The following ZFP30 variants were observed in gnomAD, a reference collection of about 807,000 sequenced individuals.
ZFP30 encodes the protein zinc finger protein 30 homolog.
ZFP30 carries 16 observed loss-of-function variants against 12.3 expected under a neutral mutation model. That is an observed-to-expected ratio of 1.30 (90% CI 0.88 to 1.98). ZFP30 has a LOEUF of 1.98. Among genes scored for constraint, ZFP30 ranks in the 30% most tolerant of loss-of-function variants. The pLI is 0.00. For missense variants in ZFP30, 560 were observed against 611.2 expected, an observed-to-expected ratio of 0.92 and a Z score of 0.88; for synonymous variants, 172 against 201.0, an observed-to-expected ratio of 0.86 and a Z score of 1.22.
At chr19:37,639,215 TAA>T (rs1254375607) in intron 5 of ZFP30, among the ~76,000 whole-genome samples, 5 of 152,050 alleles carry the variant, frequency 3.3e-5, no homozygotes, top group East Asian at 1.9e-4. Context: ...AAATAAGATA[TAA>T]GTGATATTAA....
At chr19:37,636,388 CAAAAA>C (rs58180098) in intron 5 of ZFP30, 83 bp from the exon 6 acceptor site, 32 of 917,920 alleles carry the variant, frequency 3.5e-5, no homozygotes, top group South Asian at 8.7e-5. Context: ...AATCGGTGAC[CAAAAA>C]AAAAAAAAAA....
At chr19:37,643,010 G>A (rs1292886059) in intron 5 of ZFP30, among the ~76,000 whole-genome samples, 32 of 138,424 alleles carry the variant, frequency 2.3e-4, no homozygotes, top group African/African-American at 8.7e-4. Flanking sequence ...CAGAGATCGC[G>A]CCACTGCACT....
At position 37,636,317 on chromosome 19, in the gene ZFP30, C is replaced by T; in HGVS notation, c.236-12G>A. Reference sequence around the variant, plus strand: ...TCTGGATTCCAAATCTGAAAGAAAACAAGACCAAAACATATTTTCCTGTTC... The same window carrying T: ...TCTGGATTCCAAATCTGAAAGAAAATAAGACCAAAACATATTTTCCTGTTC... On this transcript the variant is annotated splice_polypyrimidine_tract_variant and intron_variant, in intron 5 of 5. Transcript: ENST00000684514. The T allele has an allele frequency of 6.6e-7, 1 of 1,518,546 alleles. No individual in the cohort carries two copies. Among genetic ancestry groups the T allele is most frequent in the Non-Finnish European group, 8.8e-7 (1 of 1,137,164 alleles). The allele number at this position is 1,518,546 out of a possible 1,614,324, so 94.1% of individuals were successfully genotyped here.
At chr19:37,649,085 A>T (rs2972455) in intron 2 of ZFP30, among the ~76,000 whole-genome samples, 146,228 of 151,368 alleles carry the variant, frequency 0.97, 70,852 homozygotes, top group Middle Eastern at 1. Flanking sequence ...CAACAAAAAA[A>T]TTTTTTTAAA....
chr19:37,648,573 C>A (rs891262524), intron 2 of ZFP30, among the ~76,000 whole-genome samples: 13 of 152,202 alleles, frequency 8.5e-5, no homozygotes, highest in African/African-American at 2.9e-4. Flanking sequence ...ACCCAGAGGG[C>A]TTCTTAAAAC....
At chr19:37,640,946 C>T (rs953198191) in intron 5 of ZFP30, among the ~76,000 whole-genome samples, 18 of 151,864 alleles carry the variant, frequency 1.2e-4, no homozygotes, top group Admixed American at 1.2e-3. Context: ...ATGTTAAAAC[C>T]CTATGACCAC....
At chr19:37,644,579 A>C in intron 4 of ZFP30, 31 bp downstream of exon 4, 1 of 1,539,428 alleles carries the variant, frequency 6.5e-7, no homozygotes, top group Admixed American at 2.2e-5. Context: ...GTGAATGTCT[A>C]AATTATCTGA....
intron 2 of ZFP30, among the ~76,000 whole-genome samples, chr19:37,653,057 C>T (rs2044684072): frequency 6.9e-6 from 1 of 145,706 alleles, no homozygotes; most frequent in South Asian, 2.1e-4. Context: ...GCAGCGGTTG[C>T]AGTGAACTGA....
chr19:37,635,547 C>T lies in ZFP30; in HGVS notation c.994G>A (p.Gly332Arg). Residue 332 changes from glycine (G) to arginine (R), a missense_variant, in exon 6 of 6, where the codon GGA becomes AGA. By Grantham distance (125) the Gly-to-Arg change is moderately radical (BLOSUM62 -2). Coordinates refer to ENST00000684514, the MANE Select transcript of ZFP30 (RefSeq NM_001320669.3). ...TGCTGCCGCACTCTAAAGGCCTTTCCACACTCCTTACATTCATAGGGTTTT... is the reference window on the plus strand; with the variant it reads ...TGCTGCCGCACTCTAAAGGCCTTTCTACACTCCTTACATTCATAGGGTTTT... ...GEKPYECKEC[G>R]KAFRVRQQLT... 1 of 1,614,098 alleles carries T rather than the reference C, an allele frequency of 6.2e-7. No homozygotes were observed. The highest frequency in any genetic ancestry group is 8.5e-7 in the Non-Finnish European group (1 of 1,180,030).
intron 3 of ZFP30, among the ~76,000 whole-genome samples, chr19:37,646,753 T>C (rs577734392): frequency 7.2e-5 from 11 of 152,034 alleles, no homozygotes; most frequent in Non-Finnish European, 1.3e-4. Context: ...TTTTGTTTTG[T>C]TTTGTTTTGC....
At chr19:37,647,710 G>A (rs1288975016) in intron 3 of ZFP30, 104 bp downstream of exon 3, 3 of 1,452,524 alleles carry the variant, frequency 2.1e-6, no homozygotes, top group Middle Eastern at 1.7e-4. Context: ...GGGAGAAGCT[G>A]TTGAATGGGG....
chr19:37,636,446 A>G, intron 5 of ZFP30, 141 bp from the exon 6 acceptor site: 1 of 874,306 alleles, frequency 1.1e-6, no homozygotes, highest in Non-Finnish European at 1.6e-6. Flanking sequence ...CAAAATCTCT[A>G]AAATAGGTAA....
intron 2 of ZFP30, among the ~76,000 whole-genome samples, chr19:37,651,975 A>G (rs2044660086): frequency 1.3e-5 from 2 of 152,348 alleles, no homozygotes; most frequent in South Asian, 4.1e-4. Flanking sequence ...TTTTTAGACC[A>G]TTAAAGGGAA....
At chr19:37,646,427 A>G (rs1053698236) in intron 3 of ZFP30, among the ~76,000 whole-genome samples, 8 of 152,204 alleles carry the variant, frequency 5.3e-5, no homozygotes, top group African/African-American at 1.7e-4. Context: ...GTGGATACTG[A>G]GCACTTGAAC....
rs2044318077 is a variant in ZFP30, at chr19:37,636,016, GA to G, written c.524del (p.Phe175SerfsTer117). On this transcript the variant is annotated frameshift_variant, in exon 6 of 6. Transcript: ENST00000684514. LOFTEE classifies it low-confidence loss of function (END_TRUNC). Reference sequence around the variant, plus strand: ...TCTCACCAGTATGAATTCTTTGATGGAAAGTAAGTTGTTGTCGTACTCTAAA... The same window carrying G: ...TCTCACCAGTATGAATTCTTTGATGGAAGTAAGTTGTTGTCGTACTCTAAA... Reference protein sequence around the residue: ...KAFRVRQQLTFHQRIHTGEKP... With the variant: ...KAFRVRQQLTXHQRIHTGEKP... The G allele has an allele frequency of 6.2e-7, 1 of 1,613,800 alleles. No homozygotes were observed. The highest frequency in any genetic ancestry group is 1.3e-5 in the African/African-American group (1 of 74,832).
rs1298808239 is a variant in ZFP30, at chr19:37,633,492, T to G, written c.*1489A>C. The G allele has an allele frequency of 2.6e-5, 4 of 152,084 alleles. No individual in the cohort carries two copies. 9.4% of individuals were successfully genotyped at this position (152,084 alleles called of 1,614,324 possible). A position where few individuals can be genotyped will look rare whatever the true frequency, so the allele number is the denominator to read the frequency against. ...TCTCAGCTGCCCGAGTAGCTGGGAT[T>G]ACAGGCGCATGTGACCACGCCTGGC... On this transcript the variant is annotated 3_prime_UTR_variant, in exon 6 of 6. Transcript: ENST00000684514.
chr19:37,638,334 G>A (rs982601807), intron 5 of ZFP30, among the ~76,000 whole-genome samples: 2 of 152,138 alleles, frequency 1.3e-5, no homozygotes, highest in African/African-American at 4.8e-5. Context: ...TGCCATTTGT[G>A]TACTTCCTAG....
In ZFP30 at chr19:37,635,287, T is replaced by C. The variant is rs770182705; in HGVS notation, c.1254A>G (p.Ala418=). 1 of 1,614,128 alleles carries C rather than the reference T, an allele frequency of 6.2e-7. No individual in the cohort carries two copies. Among genetic ancestry groups the C allele is most frequent in the South Asian group, 1.1e-5 (1 of 91,084 alleles). ...GAGTAAGCTGTGAGAACAGCCTAAA[T>C]GCCTTCCCACATTCCTTACATTCAT... ...KPYECKECGK[A]FRLFSQLTQH... Residue 418 remains alanine (A), a synonymous_variant, in exon 6 of 6, where the codon GCA becomes GCG. Transcript: ENST00000684514.
chr19:37,636,329 A>T, intron 5 of ZFP30, 24 bp from the exon 6 acceptor site: 1 of 1,544,630 alleles, frequency 6.5e-7, no homozygotes, highest in Non-Finnish European at 8.7e-7. Context: ...AGACCAAAAC[A>T]TATTTTCCTG....
Sources: allele counts gnomAD v4.1 joint callset (sites outside exome capture counted in the v4.1 genomes callset), GRCh38; gene constraint gnomAD v4.1.1; transcripts MANE v1.5; gene names NCBI Gene and HGNC (gene_info 2026-07-23, HGNC 2026-07-21).